ASAP2: variants seen among roughly 807,000 people sequenced by gnomAD.
The protein encoded by ASAP2 is arf-GAP with SH3 domain, ANK repeat and PH domain-containing protein 2.
Under a neutral mutation model 131.4 loss-of-function variants are expected in ASAP2, and 45 were observed. The observed-to-expected ratio is 0.34, with a 90% CI of 0.27 to 0.44. ASAP2 has a LOEUF of 0.44. Among genes scored for constraint, ASAP2 ranks in the 20% least tolerant of loss-of-function variants. The pLI, the probability that ASAP2 is intolerant of heterozygous loss-of-function variation, is 1.00. For synonymous variants in ASAP2, 510 were observed against 503.0 expected (o/e 1.01, Z -0.19); for missense variants, 1,011 against 1,297.0 (o/e 0.78, Z 3.39).
chr2:9,390,683 G>A (rs1198046145), intron 22 of ASAP2, among the ~76,000 whole-genome samples: 2 of 152,158 alleles, frequency 1.3e-5, no homozygotes, highest in African/African-American at 2.4e-5. Flanking sequence ...CCCATGGGAA[G>A]GAGTCGGTGG....
In ASAP2 at chr2:9,339,810, G is replaced by A. The variant is rs1182918714; in HGVS notation, c.849+4631G>A. Among the ~76,000 whole-genome samples the A allele has an allele frequency of 2.6e-5, 4 of 152,040 alleles. No homozygotes were observed. The South Asian group carries it at 8.3e-4, about 32-fold the overall frequency. On this transcript the variant is annotated intron_variant, in intron 9 of 27. Coordinates refer to ENST00000281419, the MANE Select transcript of ASAP2 (RefSeq NM_003887.3). ...GCTTCTCCTCTTACTCCTGACCCAG[G>A]CCTTCCAGCCTCACCTGCCTCTCAC...
chr2:9,355,268 C>T (rs1044122234), intron 12 of ASAP2, among the ~76,000 whole-genome samples: 1 of 152,210 alleles, frequency 6.6e-6, no homozygotes, highest in Non-Finnish European at 1.5e-5. Context: ...TTATCCTGGT[C>T]TCTTGCAGTC....
intron 1 of ASAP2, among the ~76,000 whole-genome samples, chr2:9,213,120 T>C (rs1306132939): frequency 6.6e-6 from 1 of 152,090 alleles, no homozygotes; most frequent in Non-Finnish European, 1.5e-5. Flanking sequence ...AAGTCATGCA[T>C]AACATGGGGA....
intron 1 of ASAP2, among the ~76,000 whole-genome samples, chr2:9,275,801 AAT>A (rs1666724469): frequency 6.6e-6 from 1 of 152,204 alleles, no homozygotes; most frequent in African/African-American, 2.4e-5. Context: ...ACAATGAACA[AAT>A]ATCAGTGACT....
chr2:9,315,629 T>C (rs1669614526), intron 3 of ASAP2, among the ~76,000 whole-genome samples: 1 of 152,090 alleles, frequency 6.6e-6, no homozygotes, highest in Non-Finnish European at 1.5e-5. Context: ...GACGGGAGTT[T>C]CATTCCTCAC....
intron 1 of ASAP2, among the ~76,000 whole-genome samples, chr2:9,264,627 G>A (rs935103218): frequency 2.0e-5 from 3 of 152,016 alleles, no homozygotes; most frequent in Non-Finnish European, 4.4e-5. Flanking sequence ...AAGTTTTCAG[G>A]TGATAGCGAA....
chr2:9,234,538 G>T lies in ASAP2; in HGVS notation c.126+27308G>T, dbSNP rs1444969397. Among the ~76,000 whole-genome samples the T allele has an allele frequency of 2.6e-5, 4 of 152,190 alleles. No individual in the cohort carries two copies. The East Asian group carries it at 7.7e-4, about 29-fold the overall frequency. On this transcript the variant is annotated intron_variant, in intron 1 of 27. Coordinates refer to ENST00000281419, the MANE Select transcript of ASAP2 (RefSeq NM_003887.3). ...TTCCTGCTGGGGCAGCTGGGACATT[G>T]TCATGAAAGACCAGGGAGGGGACAG...
chr2:9,325,020 A>G (rs1456812929), intron 6 of ASAP2, among the ~76,000 whole-genome samples: 1 of 151,778 alleles, frequency 6.6e-6, no homozygotes, highest in South Asian at 2.1e-4. Flanking sequence ...CTTGTTTTTC[A>G]TTGAGAGAAT....
At chr2:9,280,670 G>A (rs1259665058) in intron 2 of ASAP2, among the ~76,000 whole-genome samples, 1 of 152,172 alleles carries the variant, frequency 6.6e-6, no homozygotes, top group Non-Finnish European at 1.5e-5. Flanking sequence ...CTGATCTGAA[G>A]ATTCACCCCA....
intron 1 of ASAP2, among the ~76,000 whole-genome samples, chr2:9,260,430 G>A (rs531520057): frequency 1.5e-4 from 23 of 152,140 alleles, no homozygotes; most frequent in Non-Finnish European, 3.1e-4. Flanking sequence ...AAAATGAAAG[G>A]TTCATGCCTA....
intron 1 of ASAP2, among the ~76,000 whole-genome samples, chr2:9,272,802 A>G (rs559485187): frequency 9.9e-5 from 15 of 152,212 alleles, no homozygotes; most frequent in Non-Finnish European, 1.9e-4. Context: ...CAATTTATTG[A>G]AAAAATTGTC....
At position 9,392,160 on chromosome 2, in the gene ASAP2, T is replaced by C. The variant is rs919575084; in HGVS notation, c.2518+964T>C. 1.3e-5 allele frequency among the ~76,000 whole-genome samples: 2 copies of C among 152,232 alleles called. No homozygotes were observed. The highest frequency in any genetic ancestry group is 1.3e-4 in the Admixed American group (2 of 15,276). ...GTGGGCCACCACGCCCAGCCTGGCA[T>C]GTTTTCTTTAATATCAACATGTGGT... On this transcript the variant is annotated intron_variant, in intron 23 of 27. Coordinates refer to ENST00000281419, the MANE Select transcript of ASAP2 (RefSeq NM_003887.3). This position sits in a 1 kb window ranked among gnomAD's most constrained non-coding sequence, Gnocchi z 4.0.
chr2:9,290,333 C>T (rs969541012), intron 2 of ASAP2, among the ~76,000 whole-genome samples: 5 of 152,140 alleles, frequency 3.3e-5, no homozygotes, highest in African/African-American at 1.2e-4. Context: ...CCTCAGCCTC[C>T]TGAGGAGCTG....
chr2:9,286,447 A>AAAAAAATAT (rs58605449), intron 2 of ASAP2, among the ~76,000 whole-genome samples: 11 of 148,420 alleles, frequency 7.4e-5, no homozygotes, highest in African/African-American at 2.5e-4. Context: ...GAAAAAAAAA[A>AAAAAAATAT]ATATATATAT....
At chr2:9,261,762 G>A (rs1482524079) in intron 1 of ASAP2, among the ~76,000 whole-genome samples, 1 of 152,206 alleles carries the variant, frequency 6.6e-6, no homozygotes, top group East Asian at 1.9e-4. Flanking sequence ...AGGCCCCGCT[G>A]GTGGTGTCCC....
At chr2:9,294,536 G>A (rs917254252) in intron 2 of ASAP2, among the ~76,000 whole-genome samples, 2 of 152,202 alleles carry the variant, frequency 1.3e-5, no homozygotes, top group African/African-American at 4.8e-5. Context: ...TCTGGGGCAG[G>A]TGACATGACT....
At chr2:9,327,053 A>G (rs548024808) in intron 6 of ASAP2, among the ~76,000 whole-genome samples, 1 of 152,344 alleles carries the variant, frequency 6.6e-6, no homozygotes, top group African/African-American at 2.4e-5. Context: ...TGTAGCTTAC[A>G]GTTTCACAGC....
At position 9,317,398 on chromosome 2, in the gene ASAP2, TCAAA is replaced by T. The variant is rs760717599; in HGVS notation, c.346-1123_346-1120del. On this transcript the variant is annotated intron_variant, in intron 3 of 27. Transcript: ENST00000281419. ...CCAACTCACATCCACACACACACCC[TCAAA>T]CACACACATGCTCCCTCACACACCT... Among the ~76,000 whole-genome samples, 82 of 136,342 alleles carry T rather than the reference TCAAA, an allele frequency of 6.0e-4. 2 individuals carry two copies. The highest frequency in any genetic ancestry group is 4.5e-3 in the Middle Eastern group (1 of 220). The allele number at this position is 136,342 out of a possible 152,430, so 89.4% of individuals were successfully genotyped here. A position where few individuals can be genotyped will look rare whatever the true frequency, so the allele number is the denominator to read the frequency against.
chr2:9,339,371 T>A (rs1671431359), intron 9 of ASAP2, among the ~76,000 whole-genome samples: 1 of 151,984 alleles, frequency 6.6e-6, no homozygotes, highest in South Asian at 2.1e-4. Context: ...ACTGGGCAGG[T>A]TCCTGGACCT....
Sources: gnomAD v4.1 joint callset for allele counts (sites outside exome capture counted in the v4.1 genomes callset) on GRCh38, gnomAD v4.1.1 for gene constraint, Gnocchi (gnomAD v3.1) non-coding constraint, MANE v1.5 for transcripts, NCBI Gene and HGNC (gene_info 2026-07-23, HGNC 2026-07-21) for gene names.